Variants in ZNF330 observed in about 807,000 individuals in gnomAD.
The protein encoded by ZNF330 is zinc finger protein 330.
In ZNF330, 31 loss-of-function variants were observed where a neutral mutation model predicts 45.5. That is an observed-to-expected ratio of 0.68 (90% CI 0.51 to 0.92). The LOEUF (loss-of-function observed/expected upper bound fraction) is 0.92, where lower values mean the gene tolerates loss of function less well. ZNF330 is among the 40% of genes least tolerant of loss of function. The pLI, the probability that ZNF330 is intolerant of heterozygous loss-of-function variation, is 0.00. For missense variants in ZNF330, 356 were observed against 387.4 expected (o/e 0.92, Z 0.68); for synonymous variants, 138 against 123.2 (o/e 1.12, Z -0.79).
chr4:141,224,552 T>C (rs1560785223), intron 3 of ZNF330, 46 bp downstream of exon 3: 1 of 1,607,962 alleles, frequency 6.2e-7, no homozygotes, highest in Admixed American at 1.7e-5. Flanking sequence ...AAATTGTCCC[T>C]CTGACTTTTT....
At position 141,223,256 on chromosome 4, in the gene ZNF330, G is replaced by T. The variant is rs149535957; in HGVS notation, c.120+765G>T. Among the ~76,000 whole-genome samples the T allele has an allele frequency of 2.3e-3, 348 of 152,254 alleles. 3 individuals are homozygous for T. The highest frequency in any genetic ancestry group is 7.9e-3 in the African/African-American group (330 of 41,544). ...ATAGCTCAGTTATGTTGTATATTAG[G>T]ATTTGTTTGTTTATAAATGACAGAA... On this transcript the variant is annotated intron_variant, in intron 2 of 9. Transcript: ENST00000262990.
upstream of ZNF330, among the ~76,000 whole-genome samples, chr4:141,220,671 T>C (rs1022543296): frequency 2.0e-5 from 3 of 152,260 alleles, no homozygotes; most frequent in African/African-American, 7.2e-5. Context: ...TGAGTTCATT[T>C]TCCTCTTCCT....
chr4:141,232,447 C>T, intron 8 of ZNF330, 78 bp from the exon 9 acceptor site: 1 of 762,978 alleles, frequency 1.3e-6, no homozygotes, highest in Non-Finnish European at 1.9e-6. Context: ...AAAGCTATAT[C>T]TTTAAAACAC....
chr4:141,233,107 CTT>C (rs915019717), intron 9 of ZNF330, among the ~76,000 whole-genome samples: 4 of 151,984 alleles, frequency 2.6e-5, no homozygotes, highest in Non-Finnish European at 4.4e-5. Flanking sequence ...TTTTATGTAA[CTT>C]TTTTTGTGAA....
At chr4:141,231,636 A>G (rs1237240411) in intron 8 of ZNF330, 151 bp downstream of exon 8, 2 of 532,388 alleles carry the variant, frequency 3.8e-6, no homozygotes, top group Non-Finnish European at 6.4e-6. Flanking sequence ...GTGGAATTGA[A>G]GTTGAGAAAG....
Position 141,232,651 on chromosome 4 carries a change from C to A in ZNF330, c.688+9C>A. ...GGACCTTAGCATGTCAAGTAAGGCC[C>A]TTAAGATACTAAGGAAGTGATTTTT... On this transcript the variant is annotated intron_variant, in intron 9 of 9. Coordinates refer to ENST00000262990, the MANE Select transcript of ZNF330 (RefSeq NM_014487.6). 6.9e-7 allele frequency: 1 copy of A among 1,449,034 alleles called. No individual in the cohort carries two copies. The highest frequency in any genetic ancestry group is 1.4e-5 in the South Asian group (1 of 70,876). The allele number at this position is 1,449,034 out of a possible 1,614,324, so 89.8% of individuals were successfully genotyped here.
chr4:141,232,560 G>A lies in ZNF330; in HGVS notation c.606G>A (p.Val202=). 2 of 1,599,796 alleles carry A rather than the reference G, an allele frequency of 1.3e-6. No homozygotes were observed. The highest frequency in any genetic ancestry group is 1.1e-5 in the South Asian group (1 of 87,910). Residue 202 remains valine (V), a synonymous_variant, in exon 9 of 10, where the codon GTG becomes GTA. Coordinates refer to ENST00000262990, the MANE Select transcript of ZNF330 (RefSeq NM_014487.6). ...CFCDDHTRSK[V]FKQEKGKQPP... is the part of the protein sequence containing the mutation. Reference sequence around the variant, plus strand: ...GTGATGATCATACAAGGAGCAAAGTGTTTAAGCAAGAAAAAGGAAAACAGC... The same window carrying A: ...GTGATGATCATACAAGGAGCAAAGTATTTAAGCAAGAAAAAGGAAAACAGC...
At chr4:141,230,553 A>G (rs1728925389) in intron 7 of ZNF330, among the ~76,000 whole-genome samples, 1 of 152,098 alleles carries the variant, frequency 6.6e-6, no homozygotes, top group Non-Finnish European at 1.5e-5. Context: ...AGAGTACCAC[A>G]TGTCATTTTT....
intron 1 of ZNF330, among the ~76,000 whole-genome samples, chr4:141,221,598 AT>A (rs1728679293): frequency 6.6e-6 from 1 of 150,652 alleles, no homozygotes; most frequent in South Asian, 2.1e-4. Context: ...AAATCTGGCT[AT>A]TTTTCAGTTG....
intron 5 of ZNF330, among the ~76,000 whole-genome samples, chr4:141,229,196 G>T (rs1041381735): frequency 6.6e-6 from 1 of 151,584 alleles, no homozygotes; most frequent in African/African-American, 2.4e-5. Context: ...GTAGTTACAG[G>T]AATTATTATA....
intron 8 of ZNF330, among the ~76,000 whole-genome samples, chr4:141,232,147 C>T (rs751021386): frequency 6.6e-6 from 1 of 152,070 alleles, no homozygotes; most frequent in South Asian, 2.1e-4. Flanking sequence ...CTGCACTTCC[C>T]GTTCAGTGCT....
intron 4 of ZNF330, among the ~76,000 whole-genome samples, chr4:141,225,633 A>G (rs2111249756): frequency 6.6e-6 from 1 of 152,212 alleles, no homozygotes; most frequent in African/African-American, 2.4e-5. Flanking sequence ...TTAGGGCTAT[A>G]TCCCTGAATA....
At position 141,233,865 on chromosome 4, in the gene ZNF330, A is replaced by G; in HGVS notation, c.839A>G (p.Asp280Gly). The G allele has an allele frequency of 6.2e-7, 1 of 1,613,746 alleles. No homozygotes were observed. Among genetic ancestry groups the G allele is most frequent in the Non-Finnish European group, 8.5e-7 (1 of 1,179,790 alleles). The change falls in exon 10 of 10, where the codon GAT (aspartate) becomes GGT (glycine). Residue 280 changes from aspartate (D) to glycine (G), a missense_variant. Asp to Gly is a moderately conservative substitution (Grantham distance 94). Transcript: ENST00000262990. ...EEEDEYEAED[D>G]EEEEDEGRKD... ...GAGGATGAGTATGAAGCAGAGGATG[A>G]TGAAGAGGAAGAAGATGAAGGCAGA...
intron 5 of ZNF330, among the ~76,000 whole-genome samples, chr4:141,228,030 T>C (rs1728853028): frequency 6.6e-6 from 1 of 152,108 alleles, no homozygotes; most frequent in African/African-American, 2.4e-5. Context: ...ATGAGGAAAA[T>C]GATACTATAT....
At chr4:141,229,952 G>A (rs1728909262) in intron 6 of ZNF330, among the ~76,000 whole-genome samples, 1 of 151,980 alleles carries the variant, frequency 6.6e-6, no homozygotes, top group South Asian at 2.1e-4. Flanking sequence ...TATATGGGTA[G>A]CTAGTGGAGA....
chr4:141,229,055 T>A (rs1162117093), intron 5 of ZNF330, among the ~76,000 whole-genome samples: 1 of 152,034 alleles, frequency 6.6e-6, no homozygotes. Context: ...TATTAAAACA[T>A]AAGTTGTCAT....
rs1252397863 is a variant in ZNF330 at position 141,222,458 on chromosome 4, A to G, written c.87A>G (p.Ile29Met). The G allele has an allele frequency of 6.2e-7, 1 of 1,613,740 alleles. No homozygotes were observed. The highest frequency in any genetic ancestry group is 8.5e-7 in the Non-Finnish European group (1 of 1,179,784). The change falls in exon 2 of 10, where the codon ATA (isoleucine) becomes ATG (methionine). Residue 29 changes from isoleucine to methionine, a missense_variant. By Grantham distance (10) the Ile-to-Met change is conservative. Transcript: ENST00000262990. ...EKQLRASRST[I>M]DLAKHPCNAS... ...AACTAAGAGCATCAAGAAGCACTAT[A>G]GATTTAGCTAAACATCCATGTAATG...
rs1054662957 is a variant in ZNF330 at position 141,224,783 on chromosome 4, A to G, written c.211+106A>G. ...TTGGTTACAGTGCTTACAATTGTTG[A>G]TAATATTATGCCTTACCATTAACAA... On this transcript the variant is annotated intron_variant, in intron 4 of 9. Coordinates refer to ENST00000262990, the MANE Select transcript of ZNF330 (RefSeq NM_014487.6). 7 of 908,178 alleles carry G rather than the reference A, an allele frequency of 7.7e-6. No individual in the cohort carries two copies. The African/African-American group carries it at 8.3e-5, about 11-fold the overall frequency. 56.3% of individuals were successfully genotyped at this position (908,178 alleles called of 1,614,324 possible).
intron 2 of ZNF330, 40 bp downstream of exon 2, chr4:141,222,531 CTATA>C: frequency 6.3e-7 from 1 of 1,594,476 alleles, no homozygotes; most frequent in Non-Finnish European, 8.5e-7. Flanking sequence ...GTTGGAAAAA[CTATA>C]TACTATTTTA....
Sources: gnomAD v4.1 joint callset for allele counts (sites outside exome capture counted in the v4.1 genomes callset) on GRCh38, gnomAD v4.1.1 for gene constraint, MANE v1.5 for transcripts, NCBI Gene and HGNC (gene_info 2026-07-23, HGNC 2026-07-21) for gene names.